The following SPRY1 variants were observed in gnomAD, a reference collection of about 807,000 sequenced individuals.
SPRY1 encodes the protein sprouty RTK signaling antagonist 1.
In SPRY1, 20 loss-of-function variants were observed where a neutral mutation model predicts 22.6. That is an observed-to-expected ratio of 0.89 (90% CI 0.62 to 1.29). SPRY1 has a LOEUF of 1.29. SPRY1 is among the 50% of genes most tolerant of loss of function. The pLI is 0.00. For synonymous variants in SPRY1, 155 were observed against 144.7 expected, an observed-to-expected ratio of 1.07 and a Z score of -0.51; for missense variants, 446 against 387.7, an observed-to-expected ratio of 1.15 and a Z score of -1.26.
chr4:123,400,244 G>T, intron 2 of SPRY1: 1 of 152,158 alleles, frequency 6.6e-6, no homozygotes, highest in East Asian at 1.9e-4. Context: ...GTAGAAACTC[G>T]AGAGAGCTGA....
intron 2 of SPRY1, chr4:123,398,313 C>G (rs529745494): frequency 6.5e-4 from 99 of 152,006 alleles, no homozygotes; most frequent in Middle Eastern, 3.4e-3. Context: ...GAACTGCCCT[C>G]CGCAGCCGGA....
rs201409774 is a variant in SPRY1, at chr4:123,401,662, G to A, written c.71G>A (p.Arg24His). The change falls in exon 3 of 3, where the codon CGT becomes CAT. Residue 24 changes from arginine (R) to histidine (H), a missense_variant. Arg to His is a conservative substitution (Grantham distance 29). Transcript: ENST00000651917. Reference sequence around the variant, plus strand: ...ATCCAGCAGCCTTCTTTGGATAGCCGTCAGAGATTAGACTATGAGAGAGAG... The same window carrying A: ...ATCCAGCAGCCTTCTTTGGATAGCCATCAGAGATTAGACTATGAGAGAGAG... ...VVIQQPSLDS[R>H]QRLDYEREIQ... 261 of 1,614,146 alleles carry A rather than the reference G, an allele frequency of 1.6e-4. No homozygotes were observed. Among genetic ancestry groups the A allele is most frequent in the Non-Finnish European group, 2.0e-4 (236 of 1,180,016 alleles).
At position 123,403,741 on chromosome 4, in the gene SPRY1, TATTA is replaced by T. The variant is rs1177914076; in HGVS notation, c.*1197_*1200del. On this transcript the variant is annotated 3_prime_UTR_variant, in exon 3 of 3. Transcript: ENST00000651917. ...TATGTTAACTATAATGCAGAAAATATATTAATTAATGAAACTGTCTCTCGATTTC... is the reference window on the plus strand; with the variant it reads ...TATGTTAACTATAATGCAGAAAATATATTAATGAAACTGTCTCTCGATTTC... 1.4e-4 allele frequency: 24 copies of T among 166,962 alleles called. No homozygotes were observed. Among genetic ancestry groups the T allele is most frequent in the Non-Finnish European group, 4.4e-5 (3 of 68,116 alleles). 10.3% of individuals were successfully genotyped at this position (166,962 alleles called of 1,614,324 possible).
intron 2 of SPRY1, chr4:123,399,797 A>G (rs1046703109): frequency 1.2e-4 from 18 of 152,254 alleles, no homozygotes; most frequent in Non-Finnish European, 1.9e-4. Context: ...CCGAAAAGGT[A>G]TTCTACTTCC....
At chr4:123,399,431 T>A (rs1343749206) in intron 2 of SPRY1, 1 of 152,156 alleles carries the variant, frequency 6.6e-6, no homozygotes, top group African/African-American at 2.4e-5. Flanking sequence ...CTCAGCCTCC[T>A]CCCCTCCTCC....
At position 123,402,507 on chromosome 4, in the gene SPRY1, A is replaced by T. The variant is rs746642537; in HGVS notation, c.916A>T (p.Lys306Ter). The T allele has an allele frequency of 6.2e-7, 1 of 1,614,026 alleles. No individual in the cohort carries two copies. Among genetic ancestry groups the T allele is most frequent in the East Asian group, 2.2e-5 (1 of 44,882 alleles). The change falls in exon 3 of 3, where the codon AAG (lysine) becomes TAG (stop). Residue 306 changes from lysine (K) to a stop codon, truncating the protein, a stop_gained. Transcript: ENST00000651917. LOFTEE classifies it high-confidence loss of function. ...TAAGAACTCCAACACTGTCTATTGT[A>T]AGCTGGAGAGCTGCCCCTCCCGGGG... ...RCKNSNTVYC[K>*]LESCPSRGQG...
At position 123,401,788 on chromosome 4, in the gene SPRY1, G is replaced by C; in HGVS notation, c.197G>C (p.Arg66Pro). ...GPSVVKRPAP[R>P]TAPRQEKHER... is the part of the protein sequence containing the mutation. ...TCGGTGGTGAAAAGACCTGCTCCTC[G>C]GACAGCACCAAGACAAGAAAAGCAT... is the stretch of plus-strand genomic sequence containing the variant. The change falls in exon 3 of 3, where the codon CGG becomes CCG. Residue 66 changes from arginine to proline, a missense_variant. Coordinates refer to ENST00000651917, the MANE Select transcript of SPRY1 (RefSeq NM_001258038.2). 6.2e-7 allele frequency: 1 copy of C among 1,614,094 alleles called. No homozygotes were observed. Among genetic ancestry groups the C allele is most frequent in the Non-Finnish European group, 8.5e-7 (1 of 1,180,024 alleles).
intron 2 of SPRY1, among the ~76,000 whole-genome samples, chr4:123,401,151 A>G (rs570620173): frequency 3.3e-5 from 5 of 152,344 alleles, no homozygotes; most frequent in South Asian, 2.1e-4. Flanking sequence ...GAAGCCACCT[A>G]TGAACTGATA....
In SPRY1 at chr4:123,402,567, T is replaced by A. The variant is rs756195888; in HGVS notation, c.*16T>A. Reference sequence around the variant, plus strand: ...ACCATCATGATTTTTGGAGGTGGGTTGTACCTCCTGAACTTTTAGCTTTCA... The same window carrying A: ...ACCATCATGATTTTTGGAGGTGGGTAGTACCTCCTGAACTTTTAGCTTTCA... On this transcript the variant is annotated 3_prime_UTR_variant, in exon 3 of 3. Coordinates refer to ENST00000651917, the MANE Select transcript of SPRY1 (RefSeq NM_001258038.2). 2 of 1,580,588 alleles carry A rather than the reference T, an allele frequency of 1.3e-6. No homozygotes were observed. The highest frequency in any genetic ancestry group is 1.7e-6 in the Non-Finnish European group (2 of 1,161,854).
chr4:123,399,184 C>T (rs1204115707), intron 2 of SPRY1, among the ~76,000 whole-genome samples: 2 of 152,180 alleles, frequency 1.3e-5, no homozygotes, highest in African/African-American at 4.8e-5. Flanking sequence ...CGAGACCAGC[C>T]CGACCAACTG....
In SPRY1 at chr4:123,397,779, C is replaced by T. The variant is rs1471416295; in HGVS notation, c.-133C>T. 2.6e-5 allele frequency: 4 copies of T among 150,968 alleles called. No homozygotes were observed. The highest frequency in any genetic ancestry group is 5.9e-5 in the Non-Finnish European group (4 of 67,874). 9.4% of individuals were successfully genotyped at this position (150,968 alleles called of 1,614,324 possible). ...GCGGGGCACAAGGGACGACGCCCGC[C>T]TTTCTCTCTCCGAGAAGGATCCCCA... On this transcript the variant is annotated 5_prime_UTR_variant, in exon 2 of 3. Coordinates refer to ENST00000651917, the MANE Select transcript of SPRY1 (RefSeq NM_001258038.2).
intron 2 of SPRY1, among the ~76,000 whole-genome samples, chr4:123,400,864 T>TCG (rs144854325): frequency 0.015 from 2,282 of 151,976 alleles, 19 homozygotes; most frequent in Middle Eastern, 0.051. Flanking sequence ...ACATTGAGTC[T>TCG]TGTGTGTGTG....
intron 2 of SPRY1, among the ~76,000 whole-genome samples, chr4:123,401,025 T>C (rs370232540): frequency 4.6e-5 from 7 of 152,340 alleles, no homozygotes; most frequent in Middle Eastern, 3.4e-3. Flanking sequence ...AGTCTCAATT[T>C]TTTAATGCCT....
rs1274709347 is a variant in SPRY1, at chr4:123,397,856, G to C, written c.-56G>C. On this transcript the variant is annotated splice_region_variant and 5_prime_UTR_variant, in exon 2 of 3. Coordinates refer to ENST00000651917, the MANE Select transcript of SPRY1 (RefSeq NM_001258038.2). ...CTAAAAAAAAAAAAAAAAAGAAAAG[G>C]GTAAAAAAATCCCCCTCCCCCTCCC... 1 of 151,508 alleles carries C rather than the reference G, an allele frequency of 6.6e-6. No individual in the cohort carries two copies. Among genetic ancestry groups the C allele is most frequent in the Non-Finnish European group, 1.5e-5 (1 of 67,946 alleles). 9.4% of individuals were successfully genotyped at this position (151,508 alleles called of 1,614,324 possible).
In SPRY1 at chr4:123,397,854, AGG is replaced by A. The variant is rs1724975723; in HGVS notation, c.-56_-56+1del. ...CGCTAAAAAAAAAAAAAAAAAGAAA[AGG>A]GTAAAAAAATCCCCCTCCCCCTCCC... On this transcript the variant is annotated splice_region_variant and 5_prime_UTR_variant, in exon 2 of 3. Coordinates refer to ENST00000651917, the MANE Select transcript of SPRY1 (RefSeq NM_001258038.2). The A allele has an allele frequency of 6.7e-6, 1 of 148,150 alleles. No individual in the cohort carries two copies. The highest frequency in any genetic ancestry group is 1.5e-5 in the Non-Finnish European group (1 of 67,218). 9.2% of individuals were successfully genotyped at this position (148,150 alleles called of 1,614,324 possible).
Position 123,401,693 on chromosome 4 carries a change from G to A in SPRY1, c.102G>A (p.Gln34=). The A allele has an allele frequency of 2.5e-6, 4 of 1,614,150 alleles. No individual in the cohort carries two copies. The highest frequency in any genetic ancestry group is 3.4e-6 in the Non-Finnish European group (4 of 1,180,042). Residue 34 remains glutamine (Q), a synonymous_variant, in exon 3 of 3, where the codon CAG becomes CAA. Transcript: ENST00000651917. ...GATTAGACTATGAGAGAGAGATTCA[G>A]CCTACTGCTATTTTGTCCTTAGACC... ...RQRLDYEREI[Q]PTAILSLDQI... is the part of the protein sequence containing the mutation.
chr4:123,401,443 T>TAGG (rs1311143840), intron 2 of SPRY1, 94 bp from the exon 3 acceptor site: 2 of 1,139,876 alleles, frequency 1.8e-6, no homozygotes, highest in African/African-American at 3.1e-5. Flanking sequence ...CTAGGCGGTT[T>TAGG]AGGCAATTTG....
chr4:123,401,473 C>G (rs982619021), intron 2 of SPRY1, 64 bp from the exon 3 acceptor site: 5 of 1,280,596 alleles, frequency 3.9e-6, no homozygotes, highest in African/African-American at 1.6e-5. Flanking sequence ...AGGATTCCCC[C>G]CCCCCAAAAA....
intron 2 of SPRY1, chr4:123,398,123 C>A (rs1724985317): frequency 6.6e-6 from 1 of 152,314 alleles, no homozygotes; most frequent in African/African-American, 2.4e-5. Flanking sequence ...GCCCGTCACG[C>A]ACTCGACTCC....
Sources: gnomAD v4.1 joint callset for allele counts (sites outside exome capture counted in the v4.1 genomes callset) on GRCh38, gnomAD v4.1.1 for gene constraint, MANE v1.5 for transcripts, NCBI Gene and HGNC (gene_info 2026-07-23, HGNC 2026-07-21) for gene names.